FUT8: variants seen among roughly 807,000 people sequenced by gnomAD.
FUT8 encodes fucosyltransferase 8.
A neutral mutation model predicts 71.3 loss-of-function variants in FUT8; 29 were observed. That is an observed-to-expected ratio of 0.41 (90% confidence interval 0.30 to 0.55). The LOEUF is 0.55. FUT8 is among the 20% of genes least tolerant of loss of function. The pLI is 0.34. For synonymous variants in FUT8, 254 were observed against 239.3 expected (o/e 1.06, Z -0.57); for missense variants, 544 against 702.1 (o/e 0.77, Z 2.55).
chr14:65,479,389 G>A (rs745829296), intron 2 of FUT8, among the ~76,000 whole-genome samples: 21 of 152,082 alleles, frequency 1.4e-4, no homozygotes, highest in Non-Finnish European at 2.8e-4. Flanking sequence ...CAATTTACAC[G>A]GTTACCTTTC....
intron 3 of FUT8, among the ~76,000 whole-genome samples, chr14:65,595,635 GTC>G (rs1382498780): frequency 8.7e-6 from 1 of 115,578 alleles, no homozygotes; most frequent in African/African-American, 3.3e-5. Flanking sequence ...TTGAGACGGA[GTC>G]TCTCTCTGTC....
intron 2 of FUT8, among the ~76,000 whole-genome samples, chr14:65,508,044 C>G (rs529854457): frequency 7.7e-4 from 115 of 149,370 alleles, no homozygotes; most frequent in Non-Finnish European, 1.5e-3. Flanking sequence ...TTGCATTTCT[C>G]TGATGATCAG....
chr14:65,381,423 G>A, the FUT8 span, among the ~76,000 whole-genome samples: 1 of 152,336 alleles, frequency 6.6e-6, no homozygotes, highest in African/African-American at 2.4e-5. Flanking sequence ...AGTGGACAAA[G>A]TGGTCCTAAT....
At chr14:65,534,312 A>T (rs947309979) in intron 2 of FUT8, among the ~76,000 whole-genome samples, 12 of 149,374 alleles carry the variant, frequency 8.0e-5, no homozygotes, top group African/African-American at 2.2e-4. Context: ...TTTATTTTTT[A>T]TTTTATTTTA....
the FUT8 span, among the ~76,000 whole-genome samples, chr14:65,370,012 T>A: frequency 6.6e-6 from 1 of 152,060 alleles, no homozygotes; most frequent in Non-Finnish European, 1.5e-5. Flanking sequence ...AAAGATGAGA[T>A]GCTCCTCACA....
intron 2 of FUT8, among the ~76,000 whole-genome samples, chr14:65,511,446 T>C (rs1274896383): frequency 3.3e-5 from 5 of 152,170 alleles, no homozygotes; most frequent in Admixed American, 3.3e-4. Context: ...TATTTCTTTG[T>C]TGATTCTCTG....
chr14:65,444,069 A>G (rs1189023997), intron 1 of FUT8, among the ~76,000 whole-genome samples: 1 of 152,224 alleles, frequency 6.6e-6, no homozygotes, highest in African/African-American at 2.4e-5. Context: ...AATGTTGCAC[A>G]TGGTTCTGAA....
chr14:65,581,301 G>A (rs17102783), intron 3 of FUT8, among the ~76,000 whole-genome samples: 8,736 of 152,036 alleles, frequency 0.057, 304 homozygotes, highest in Admixed American at 0.11. Context: ...TTAAATTACC[G>A]ACAGAGAAAA....
chr14:65,694,036 CCTGT>C (rs34263575), intron 7 of FUT8, among the ~76,000 whole-genome samples: 53,386 of 151,816 alleles, frequency 0.35, 11,609 homozygotes, highest in Non-Finnish European at 0.49. Flanking sequence ...GTTGTTGTGG[CCTGT>C]CTTTTATTTC....
At chr14:65,736,063 G>A (rs1474977229) in intron 10 of FUT8, among the ~76,000 whole-genome samples, 5 of 152,218 alleles carry the variant, frequency 3.3e-5, no homozygotes, top group Admixed American at 3.3e-4. Context: ...CAGGATATCT[G>A]TATTTGCATC....
chr14:65,439,154 C>A lies in FUT8; in HGVS notation c.-325-16467C>A, dbSNP rs1426863933. Among the ~76,000 whole-genome samples the A allele has an allele frequency of 3.3e-5, 5 of 152,124 alleles. No homozygotes were observed. The East Asian group carries it at 9.6e-4, about 29-fold the overall frequency. ...ACTCATCCTATCCCTACCCTAGTAA[C>A]ATGATCCAAATGGAAGCTTGTTACT... is the stretch of plus-strand genomic sequence containing the variant. On this transcript the variant is annotated intron_variant, in intron 1 of 10. Coordinates refer to ENST00000673929, the MANE Select transcript of FUT8 (RefSeq NM_001371533.1).
At chr14:65,644,479 C>G (rs913593450) in intron 6 of FUT8, among the ~76,000 whole-genome samples, 2 of 152,034 alleles carry the variant, frequency 1.3e-5, no homozygotes, top group African/African-American at 4.8e-5. Context: ...CCTGCCTCAG[C>G]CTCCCGAGTG....
At position 65,412,810 on chromosome 14, in the gene FUT8, T is replaced by A. The variant is rs2065154837; in HGVS notation, c.-730T>A. On this transcript the variant is annotated 5_prime_UTR_variant, in exon 1 of 11. Coordinates refer to ENST00000673929, the MANE Select transcript of FUT8 (RefSeq NM_001371533.1). ...GAGCCGCTCCGGCGCGTGCGCGCGT[T>A]ATCTCCGGCCGACCCGAGCAGCCGG... is the stretch of plus-strand genomic sequence containing the variant. The A allele has an allele frequency of 6.0e-6, 1 of 167,660 alleles. No individual in the cohort carries two copies. Among genetic ancestry groups the A allele is most frequent in the African/African-American group, 2.4e-5 (1 of 41,522 alleles). 10.4% of individuals were successfully genotyped at this position (167,660 alleles called of 1,614,324 possible).
At chr14:65,610,782 TA>T (rs922190359) in intron 3 of FUT8, among the ~76,000 whole-genome samples, 38 of 151,992 alleles carry the variant, frequency 2.5e-4, no homozygotes, top group African/African-American at 8.9e-4. Flanking sequence ...AAATTTTGTT[TA>T]AAAAAAATTT....
intron 7 of FUT8, among the ~76,000 whole-genome samples, chr14:65,700,544 C>T (rs938282332): frequency 6.6e-6 from 1 of 151,904 alleles, no homozygotes; most frequent in Admixed American, 6.6e-5. Flanking sequence ...GCACCCGCCA[C>T]CACACCTGGC....
At chr14:65,608,851 G>A (rs1287935602) in intron 3 of FUT8, among the ~76,000 whole-genome samples, 1 of 151,908 alleles carries the variant, frequency 6.6e-6, no homozygotes, top group African/African-American at 2.4e-5. Context: ...GATGTCTAAC[G>A]TCTTTTAGTG....
the FUT8 span, among the ~76,000 whole-genome samples, chr14:65,393,978 C>T: frequency 3.1e-4 from 47 of 152,090 alleles, 2 homozygotes; most frequent in South Asian, 1.9e-3. Context: ...TTATTTTAGA[C>T]GGAGTTTTGC....
At chr14:65,686,509 T>C (rs74708150) in intron 7 of FUT8, among the ~76,000 whole-genome samples, 3,988 of 152,320 alleles carry the variant, frequency 0.026, 171 homozygotes, top group African/African-American at 0.091. Flanking sequence ...TTAATGGATA[T>C]GCCATATTAT....
At chr14:65,578,093 G>A (rs552491161) in intron 3 of FUT8, among the ~76,000 whole-genome samples, 23 of 151,842 alleles carry the variant, frequency 1.5e-4, no homozygotes, top group Non-Finnish European at 2.5e-4. Flanking sequence ...TTTTTCTCCC[G>A]TATATAAATG....
Sources: gnomAD v4.1 joint callset for allele counts (sites outside exome capture counted in the v4.1 genomes callset) on GRCh38, gnomAD v4.1.1 for gene constraint, MANE v1.5 for transcripts, NCBI Gene and HGNC (gene_info 2026-07-23, HGNC 2026-07-21) for gene names.